The following RAB33A variants were observed in gnomAD, a reference collection of about 807,000 sequenced individuals.
RAB33A encodes the protein RAB33A, member RAS oncogene family, also known as ras-related protein Rab-33A.
A neutral mutation model predicts 12.0 loss-of-function variants in RAB33A; 6 were observed. The ratio of observed to expected loss-of-function variants is 0.50; its 90% confidence interval spans 0.27 to 0.99. The LOEUF is 0.99. Ranked by LOEUF, RAB33A falls within the 50% of genes least tolerant of loss-of-function variation. The probability of loss-of-function intolerance (pLI) is 0.11; values close to 1 mark genes in which losing one functional copy is unlikely to be tolerated. For synonymous variants in RAB33A, 70 were observed against 82.4 expected (o/e 0.85, Z 0.81); for missense variants, 109 against 192.0 (o/e 0.57, Z 2.55).
chrX:130,142,555 C>A, the RAB33A span, among the ~76,000 whole-genome samples: 1 of 111,879 alleles, frequency 8.9e-6, no homozygotes, highest in Admixed American at 9.5e-5. Context: ...GTCCTCTTCA[C>A]GCTTTTATCC....
At chrX:130,169,390 A>G (rs1398651389), upstream of RAB33A, among the ~76,000 whole-genome samples, 3 of 111,675 alleles carry the variant, frequency 2.7e-5, no homozygotes, top group Non-Finnish European at 3.8e-5. Flanking sequence ...TGTCAAAATC[A>G]TGATAATCAG....
chrX:130,147,348 A>C, the RAB33A span: 3 of 710,672 alleles, frequency 4.2e-6, no homozygotes, highest in Non-Finnish European at 6.6e-6. Context: ...GTTATCTCTA[A>C]GCTGTACCAA....
chrX:130,177,557 G>A (rs2031675532), intron 1 of RAB33A, among the ~76,000 whole-genome samples: 1 of 111,557 alleles, frequency 9.0e-6, no homozygotes, highest in South Asian at 3.8e-4. Context: ...TAATGGTGGA[G>A]GTTTCAGGCC....
the RAB33A span, chrX:130,138,057 C>T: frequency 1.1e-5 from 1 of 93,766 alleles, no homozygotes; most frequent in African/African-American, 4.3e-5. Flanking sequence ...AGTGAAACTC[C>T]ATCTCAAAAA....
At chrX:130,169,472 C>T (rs1246630686), upstream of RAB33A, among the ~76,000 whole-genome samples, 1 of 111,576 alleles carries the variant, frequency 9.0e-6, no homozygotes, top group Non-Finnish European at 1.9e-5. Context: ...GGGCATTGTA[C>T]AGTACATTTA....
the RAB33A span, among the ~76,000 whole-genome samples, chrX:130,119,167 T>G: frequency 3.6e-5 from 4 of 109,843 alleles, no homozygotes; most frequent in African/African-American, 1.3e-4. Flanking sequence ...AGACAGCAGC[T>G]CAAAGGCACC....
At chrX:130,155,716 T>C in the RAB33A span, among the ~76,000 whole-genome samples, 6 of 112,231 alleles carry the variant, frequency 5.3e-5, no homozygotes, top group Non-Finnish European at 1.1e-4. Flanking sequence ...AGGGTGTTAC[T>C]AGGTGTTATC....
the RAB33A span, chrX:130,156,357 G>A: frequency 9.0e-7 from 1 of 1,106,684 alleles, no homozygotes; most frequent in South Asian, 1.9e-5. Context: ...TTTTCCAAAA[G>A]GAGAAAGGGG....
At chrX:130,117,391 T>C in the RAB33A span, among the ~76,000 whole-genome samples, 1 of 111,062 alleles carries the variant, frequency 9.0e-6, no homozygotes, top group Non-Finnish European at 1.9e-5. Context: ...TGGCTGTGAG[T>C]AGGTGCTCAC....
At chrX:130,111,729 TC>T in the RAB33A span, among the ~76,000 whole-genome samples, 4 of 111,754 alleles carry the variant, frequency 3.6e-5, no homozygotes, top group Non-Finnish European at 7.5e-5. Context: ...CTACCTTTCT[TC>T]CCCTGTCCAA....
chrX:130,164,294 G>A, the RAB33A span, among the ~76,000 whole-genome samples: 1 of 112,391 alleles, frequency 8.9e-6, no homozygotes, highest in Non-Finnish European at 1.9e-5. Context: ...TAAAAGCTAA[G>A]CAGAGGTTTT....
chrX:130,136,302 T>G, the RAB33A span: 4 of 838,304 alleles, frequency 4.8e-6, no homozygotes, highest in Non-Finnish European at 6.9e-6. Context: ...ATGGGTTAAC[T>G]TACCTCTGAT....
chrX:130,110,781 G>A, the RAB33A span: 1 of 105,921 alleles, frequency 9.4e-6, no homozygotes, highest in African/African-American at 3.4e-5. Context: ...CGGGGAGCGG[G>A]GCGGACGCCG....
the RAB33A span, among the ~76,000 whole-genome samples, chrX:130,157,627 TTA>T: frequency 8.9e-6 from 1 of 112,404 alleles, no homozygotes; most frequent in Non-Finnish European, 1.9e-5. Flanking sequence ...AGTTTAAATT[TTA>T]TATAATTTTC....
chrX:130,169,076 C>T (rs1190484826), upstream of RAB33A, among the ~76,000 whole-genome samples: 5 of 109,339 alleles, frequency 4.6e-5, no homozygotes, highest in Non-Finnish European at 7.6e-5. Flanking sequence ...GGCGTGGTGG[C>T]GGGCGCCTGT....
At chrX:130,153,644 A>G in the RAB33A span, among the ~76,000 whole-genome samples, 1 of 110,917 alleles carries the variant, frequency 9.0e-6, no homozygotes. Context: ...TGGGGCCCTA[A>G]TCAGATAGAG....
the RAB33A span, chrX:130,136,276 G>A: frequency 1.9e-6 from 2 of 1,070,394 alleles, no homozygotes; most frequent in Non-Finnish European, 1.3e-6. Flanking sequence ...ATTAAGAATT[G>A]GGACTTTAAA....
At position 130,172,246 on chromosome X, in the gene RAB33A, C is replaced by T; in HGVS notation, c.184C>T (p.Pro62Ser). 1 of 1,212,193 alleles carries T rather than the reference C, an allele frequency of 8.2e-7. No homozygotes were observed. Among genetic ancestry groups the T allele is most frequent in the East Asian group, 3.0e-5 (1 of 33,829 alleles). The change falls in exon 1 of 2, where the codon CCA (proline) becomes TCA (serine). Residue 62 changes from proline (P) to serine (S), a missense_variant. Physicochemically the swap from Pro to Ser is moderately conservative, Grantham distance 74. Transcript: ENST00000257017. ...CTTCCGCTTCTGCGGGGGTACCTTCCCAGACAAGACTGAAGCCACCATCGG... is the reference window on the plus strand; with the variant it reads ...CTTCCGCTTCTGCGGGGGTACCTTCTCAGACAAGACTGAAGCCACCATCGG... ...LTFRFCGGTF[P>S]DKTEATIGVD...
chrX:130,124,220 T>C, the RAB33A span, among the ~76,000 whole-genome samples: 1 of 112,154 alleles, frequency 8.9e-6, no homozygotes, highest in Non-Finnish European at 1.9e-5. Context: ...CACTCGGTTA[T>C]AAAGCCATTG....
Sources: allele counts gnomAD v4.1 joint callset (sites outside exome capture counted in the v4.1 genomes callset), GRCh38; gene constraint gnomAD v4.1.1; transcripts MANE v1.5; gene names NCBI Gene and HGNC (gene_info 2026-07-23, HGNC 2026-07-21).